The following KCNJ6 variants were observed in gnomAD, a reference collection of about 807,000 sequenced individuals.
KCNJ6 encodes the protein G protein-activated inward rectifier potassium channel 2.
KCNJ6 carries 9 observed loss-of-function variants against 34.2 expected under a neutral mutation model. The ratio of observed to expected loss-of-function variants is 0.26; its 90% CI spans 0.16 to 0.46. KCNJ6 has a LOEUF of 0.46. Among genes scored for constraint, KCNJ6 ranks in the 20% least tolerant of loss-of-function variants. The pLI is 1.00. For synonymous variants in KCNJ6, 196 were observed against 207.1 expected (o/e 0.95, Z 0.46); for missense variants, 236 against 531.3 (o/e 0.44, Z 5.46).
intron 3 of KCNJ6, among the ~76,000 whole-genome samples, chr21:37,638,832 AT>A (rs1410398206): frequency 6.6e-6 from 1 of 152,224 alleles, no homozygotes; most frequent in African/African-American, 2.4e-5. Context: ...CCCATTCTAT[AT>A]TTGTATCTTC....
At chr21:37,709,495 C>T (rs547713517) in intron 3 of KCNJ6, among the ~76,000 whole-genome samples, 11 of 150,542 alleles carry the variant, frequency 7.3e-5, no homozygotes, top group Non-Finnish European at 1.5e-4. Context: ...GCCTGGGCAA[C>T]GAGAGCAAAA....
chr21:37,752,726 G>C (rs772510417), intron 2 of KCNJ6, among the ~76,000 whole-genome samples: 28 of 152,086 alleles, frequency 1.8e-4, no homozygotes, highest in Non-Finnish European at 2.6e-4. Context: ...ATGACCCAAG[G>C]CAGCCCCTAG....
At chr21:37,915,794 G>C (rs532447664) in intron 1 of KCNJ6, 90 bp downstream of exon 1, 1 of 152,390 alleles carries the variant, frequency 6.6e-6, no homozygotes, top group Admixed American at 6.5e-5. Context: ...GCGGAGCTGG[G>C]GAAGGGGACG....
At chr21:37,830,358 C>CCATTA (rs2055419784) in intron 2 of KCNJ6, among the ~76,000 whole-genome samples, 1 of 152,082 alleles carries the variant, frequency 6.6e-6, no homozygotes, top group African/African-American at 2.4e-5. Flanking sequence ...AGAATAAATG[C>CCATTA]CTGGGTCTGT....
At chr21:37,892,752 G>A (rs1024792571) in intron 1 of KCNJ6, among the ~76,000 whole-genome samples, 1 of 152,078 alleles carries the variant, frequency 6.6e-6, no homozygotes, top group Non-Finnish European at 1.5e-5. Context: ...TGGCAATGAG[G>A]TAAAATCTTT....
chr21:37,906,217 G>A (rs2055840748), intron 1 of KCNJ6, among the ~76,000 whole-genome samples: 1 of 152,204 alleles, frequency 6.6e-6, no homozygotes, highest in East Asian at 1.9e-4. Context: ...GTGATCATGA[G>A]TATTTTTTCT....
chr21:37,664,359 T>A (rs1414444502), intron 3 of KCNJ6, among the ~76,000 whole-genome samples: 1 of 152,026 alleles, frequency 6.6e-6, no homozygotes, highest in Admixed American at 6.6e-5. Context: ...CAGCAGAAAG[T>A]AACCAAATAG....
intron 3 of KCNJ6, among the ~76,000 whole-genome samples, chr21:37,704,974 G>A (rs975557175): frequency 6.6e-6 from 1 of 152,056 alleles, no homozygotes; most frequent in African/African-American, 2.4e-5. Flanking sequence ...ACAGTCACCT[G>A]ATAACACTGA....
intron 2 of KCNJ6, among the ~76,000 whole-genome samples, chr21:37,818,822 C>T (rs1042236080): frequency 7.2e-5 from 11 of 152,142 alleles, no homozygotes; most frequent in African/African-American, 2.7e-4. Context: ...AGGTTCTAAA[C>T]AATATACATT....
intron 2 of KCNJ6, among the ~76,000 whole-genome samples, chr21:37,783,238 G>A (rs1409942784): frequency 6.6e-6 from 1 of 152,172 alleles, no homozygotes; most frequent in Non-Finnish European, 1.5e-5. Context: ...ATGAGGGCGT[G>A]CATCAGCAAA....
intron 3 of KCNJ6, among the ~76,000 whole-genome samples, chr21:37,641,069 GA>G (rs1254368912): frequency 6.6e-6 from 1 of 152,168 alleles, no homozygotes; most frequent in Non-Finnish European, 1.5e-5. Flanking sequence ...TGGGTTATAG[GA>G]ACCTCACACA....
At position 37,858,975 on chromosome 21, in the gene KCNJ6, C is replaced by T. The variant is rs73208116; in HGVS notation, c.-27-18266G>A. ...ATGGTAGGGAGACAAAAGTTTCTGTCTAAAGAACAAAGATGTAAGTACAGT... is the reference window on the plus strand; with the variant it reads ...ATGGTAGGGAGACAAAAGTTTCTGTTTAAAGAACAAAGATGTAAGTACAGT... On this transcript the variant is annotated intron_variant, in intron 1 of 3. Coordinates refer to ENST00000609713, the MANE Select transcript of KCNJ6 (RefSeq NM_002240.5). Among the ~76,000 whole-genome samples, 346 of 152,128 alleles carry T rather than the reference C, an allele frequency of 2.3e-3. 1 individual carries two copies. Among genetic ancestry groups the T allele is most frequent in the Non-Finnish European group, 3.8e-3 (258 of 67,994 alleles).
chr21:37,867,400 A>G (rs2055628051), intron 1 of KCNJ6, among the ~76,000 whole-genome samples: 1 of 152,216 alleles, frequency 6.6e-6, no homozygotes, highest in South Asian at 2.1e-4. Flanking sequence ...CAGCAGGGAC[A>G]ATATGAATGA....
chr21:37,628,007 G>C (rs968889279), intron 3 of KCNJ6, among the ~76,000 whole-genome samples: 10 of 152,104 alleles, frequency 6.6e-5, no homozygotes, highest in African/African-American at 2.4e-4. Flanking sequence ...ATTAGCTCAG[G>C]AAAGTTACTA....
Position 37,798,894 on chromosome 21 carries a change from C to T in KCNJ6, c.25+41764G>A, listed in dbSNP as rs139390711. Among the ~76,000 whole-genome samples, 865 of 152,068 alleles carry T rather than the reference C, an allele frequency of 5.7e-3. 7 individuals are homozygous for T. Among genetic ancestry groups the T allele is most frequent in the African/African-American group, 0.017 (698 of 41,462 alleles). The stretch of plus-strand genomic sequence containing the variant: ...AATTGTACAATTTAAATGGGTGAAT[C>T]GTACGGCATGTGAATTATCTCAATA... On this transcript the variant is annotated intron_variant, in intron 2 of 3. Transcript: ENST00000609713.
At chr21:37,672,965 G>C (rs1347596123) in intron 3 of KCNJ6, among the ~76,000 whole-genome samples, 1 of 152,188 alleles carries the variant, frequency 6.6e-6, no homozygotes, top group South Asian at 2.1e-4. Flanking sequence ...TTTTTGTAGA[G>C]ACAGAGTCTT....
chr21:37,745,887 C>T (rs921371647), intron 2 of KCNJ6, among the ~76,000 whole-genome samples: 3 of 152,150 alleles, frequency 2.0e-5, no homozygotes, highest in Admixed American at 2.0e-4. Flanking sequence ...CTGGGGCAGC[C>T]GTGACAAAGT....
At chr21:37,907,037 C>T (rs993406317) in intron 1 of KCNJ6, among the ~76,000 whole-genome samples, 6 of 152,180 alleles carry the variant, frequency 3.9e-5, no homozygotes, top group African/African-American at 9.7e-5. Context: ...ATATTTTGCA[C>T]GTTAGAGATG....
Position 37,714,124 on chromosome 21 carries a change from T to C in KCNJ6, c.946+87A>G. 1.0e-6 allele frequency: 1 copy of C among 955,500 alleles called. No individual in the cohort carries two copies. Among genetic ancestry groups the C allele is most frequent in the Non-Finnish European group, 1.6e-6 (1 of 615,958 alleles). 59.2% of individuals were successfully genotyped at this position (955,500 alleles called of 1,614,324 possible). On this transcript the variant is annotated intron_variant, in intron 3 of 3. Transcript: ENST00000609713. The surrounding 1 kb of genome is among the most constrained non-coding windows in gnomAD (Gnocchi z 5.9). ...GTCAATATTGAGTGAGGTTCAGTAT[T>C]CTAGATCTTGTAATAGATAAGAACA...
Sources: allele counts gnomAD v4.1 joint callset (sites outside exome capture counted in the v4.1 genomes callset), GRCh38; gene constraint gnomAD v4.1.1; non-coding constraint Gnocchi (gnomAD v3.1); transcripts MANE v1.5; gene names NCBI Gene and HGNC (gene_info 2026-07-23, HGNC 2026-07-21).